CCDC148: variants seen among roughly 807,000 people sequenced by gnomAD.
The protein encoded by CCDC148 is coiled-coil domain-containing protein 148.
A neutral mutation model predicts 85.7 loss-of-function variants in CCDC148; 89 were observed. The observed-to-expected ratio is 1.04, with a 90% CI of 0.87 to 1.24. The LOEUF is 1.24. CCDC148 is among the 50% of genes most tolerant of loss of function. CCDC148 has a pLI of 0.00. For missense variants in CCDC148, 692 were observed against 671.7 expected (o/e 1.03, Z -0.33); for synonymous variants, 230 against 213.9 (o/e 1.08, Z -0.66).
chr2:158,326,108 C>A (rs990449178), intron 7 of CCDC148, among the ~76,000 whole-genome samples: 2 of 152,148 alleles, frequency 1.3e-5, no homozygotes, highest in African/African-American at 2.4e-5. Context: ...TCCTGCCCCC[C>A]ATCCATACCT....
chr2:158,315,602 T>C (rs1692241471), intron 7 of CCDC148, among the ~76,000 whole-genome samples: 1 of 152,126 alleles, frequency 6.6e-6, no homozygotes, highest in East Asian at 1.9e-4. Context: ...TCTGTTCCTC[T>C]AAATTGTGAT....
intron 10 of CCDC148, among the ~76,000 whole-genome samples, chr2:158,221,753 T>C (rs138423440): frequency 3.3e-5 from 5 of 152,148 alleles, no homozygotes; most frequent in Non-Finnish European, 7.4e-5. Context: ...GCAGCCACAA[T>C]AGCAACATCT....
chr2:158,377,119 T>C (rs1684683472), intron 1 of CCDC148, among the ~76,000 whole-genome samples: 1 of 152,002 alleles, frequency 6.6e-6, no homozygotes, highest in Admixed American at 6.6e-5. Flanking sequence ...TGCACAAGGA[T>C]CCATATTCTC....
chr2:158,224,329 C>T (rs1438331504), intron 10 of CCDC148, among the ~76,000 whole-genome samples: 1 of 152,176 alleles, frequency 6.6e-6, no homozygotes, highest in African/African-American at 2.4e-5. Context: ...AAGACCAAAT[C>T]TACATCTGAT....
chr2:158,175,952 C>T (rs898973380), intron 13 of CCDC148, among the ~76,000 whole-genome samples: 1 of 151,986 alleles, frequency 6.6e-6, no homozygotes, highest in African/African-American at 2.4e-5. Flanking sequence ...CTTTTAAAAT[C>T]CTTTCTCAGT....
chr2:158,433,987 G>A (rs7565601), intron 1 of CCDC148, among the ~76,000 whole-genome samples: 5,642 of 152,304 alleles, frequency 0.037, 165 homozygotes, highest in African/African-American at 0.078. Flanking sequence ...CCAATTGGGT[G>A]AAGCCCACCG....
At chr2:158,205,581 T>C (rs1033837133) in intron 11 of CCDC148, among the ~76,000 whole-genome samples, 8 of 152,170 alleles carry the variant, frequency 5.3e-5, no homozygotes, top group Non-Finnish European at 1.2e-4. Flanking sequence ...GTAACTTGAC[T>C]AAGGTCATAG....
chr2:158,293,443 A>G (rs976926859), intron 9 of CCDC148, among the ~76,000 whole-genome samples: 10 of 152,242 alleles, frequency 6.6e-5, no homozygotes, highest in African/African-American at 2.2e-4. Context: ...GCAAAGTTTC[A>G]TTTATTTATT....
chr2:158,186,235 A>G (rs906452899), intron 11 of CCDC148, among the ~76,000 whole-genome samples: 1 of 151,962 alleles, frequency 6.6e-6, no homozygotes, highest in Non-Finnish European at 1.5e-5. Flanking sequence ...CTGCCCACAC[A>G]GTCTCTTGAT....
At chr2:158,427,804 G>A (rs762338466) in intron 1 of CCDC148, among the ~76,000 whole-genome samples, 10 of 152,102 alleles carry the variant, frequency 6.6e-5, no homozygotes, top group Non-Finnish European at 1.2e-4. Context: ...TGAAGAGGTC[G>A]AGGCTACAGT....
At chr2:158,323,752 G>A (rs951716469) in intron 7 of CCDC148, among the ~76,000 whole-genome samples, 3 of 151,800 alleles carry the variant, frequency 2.0e-5, no homozygotes, top group African/African-American at 7.3e-5. Flanking sequence ...GTAAACTGAG[G>A]GTTAAAATCA....
At chr2:158,346,750 A>G (rs376727077) in intron 2 of CCDC148, among the ~76,000 whole-genome samples, 6 of 152,338 alleles carry the variant, frequency 3.9e-5, no homozygotes, top group African/African-American at 1.4e-4. Context: ...GCTTTAAAAG[A>G]TCAATGCTGG....
At chr2:158,425,610 T>A (rs1403225527) in intron 1 of CCDC148, among the ~76,000 whole-genome samples, 1 of 152,212 alleles carries the variant, frequency 6.6e-6, no homozygotes, top group East Asian at 1.9e-4. Flanking sequence ...AGGTACCACA[T>A]GGCTCCATAA....
chr2:158,206,920 AT>A (rs1247807722), intron 11 of CCDC148, among the ~76,000 whole-genome samples: 1 of 152,184 alleles, frequency 6.6e-6, no homozygotes, highest in Non-Finnish European at 1.5e-5. Context: ...GGAACAGGAG[AT>A]ACGGACTGCT....
At chr2:158,222,665 G>A (rs1438231474) in intron 10 of CCDC148, among the ~76,000 whole-genome samples, 4 of 152,068 alleles carry the variant, frequency 2.6e-5, no homozygotes, top group Non-Finnish European at 4.4e-5. Flanking sequence ...AATAGCTGGG[G>A]CATTTTCCTC....
At chr2:158,391,432 G>A (rs965900972) in intron 1 of CCDC148, among the ~76,000 whole-genome samples, 5 of 151,986 alleles carry the variant, frequency 3.3e-5, no homozygotes, top group Non-Finnish European at 5.9e-5. Context: ...TTAAACATTT[G>A]CTACCCAAGT....
intron 1 of CCDC148, among the ~76,000 whole-genome samples, chr2:158,412,054 G>A (rs1174785319): frequency 6.6e-6 from 1 of 152,128 alleles, no homozygotes; most frequent in African/African-American, 2.4e-5. Flanking sequence ...CTGTCAGCTG[G>A]GGTTTTACTG....
At chr2:158,431,119 G>A (rs1455502761) in intron 1 of CCDC148, among the ~76,000 whole-genome samples, 1 of 151,532 alleles carries the variant, frequency 6.6e-6, no homozygotes, top group Non-Finnish European at 1.5e-5. Context: ...ATACATGTAA[G>A]TGGAATGCTA....
intron 9 of CCDC148, among the ~76,000 whole-genome samples, chr2:158,308,463 T>C (rs1024462704): frequency 5.0e-5 from 6 of 119,328 alleles, no homozygotes; most frequent in Non-Finnish European, 1.1e-4. Context: ...AAAAGAAATA[T>C]CTTTTTGTTT....
Sources: gnomAD v4.1 joint callset for allele counts (sites outside exome capture counted in the v4.1 genomes callset) on GRCh38, gnomAD v4.1.1 for gene constraint, MANE v1.5 for transcripts, NCBI Gene and HGNC (gene_info 2026-07-23, HGNC 2026-07-21) for gene names.